ZSWIM6: variants seen among roughly 807,000 people sequenced by gnomAD.
ZSWIM6 encodes the protein zinc finger SWIM domain-containing protein 6.
A neutral mutation model predicts 113.2 loss-of-function variants in ZSWIM6; 9 were observed. That is an observed-to-expected ratio of 0.08 (90% CI 0.05 to 0.14). ZSWIM6 has a LOEUF of 0.14. Ranked by LOEUF, ZSWIM6 falls within the 10% of genes least tolerant of loss-of-function variation. The pLI, the probability that ZSWIM6 is intolerant of heterozygous loss-of-function variation, is 1.00. For missense variants in ZSWIM6, 1,162 were observed against 1,552.2 expected (o/e 0.75, Z 4.22); for synonymous variants, 611 against 606.5 (o/e 1.01, Z -0.11).
chr5:61,476,339 T>C (rs111971323), intron 2 of ZSWIM6, among the ~76,000 whole-genome samples: 235 of 152,262 alleles, frequency 1.5e-3, no homozygotes, highest in African/African-American at 5.5e-3. Context: ...AGTGTGTAGA[T>C]AAAGAAATCA....
intron 1 of ZSWIM6, among the ~76,000 whole-genome samples, chr5:61,453,574 C>T (rs1178624568): frequency 6.6e-5 from 10 of 151,812 alleles, no homozygotes; most frequent in Admixed American, 6.6e-4. Context: ...TGGGGTTTTG[C>T]CATGTTGTCC....
chr5:61,339,020 A>T (rs1360090531), intron 1 of ZSWIM6, among the ~76,000 whole-genome samples: 2 of 152,150 alleles, frequency 1.3e-5, no homozygotes, highest in Admixed American at 1.3e-4. Context: ...TGGATAATCA[A>T]TTGCTGTCTC....
intron 1 of ZSWIM6, among the ~76,000 whole-genome samples, chr5:61,339,931 AG>A (rs1468615943): frequency 1.3e-5 from 2 of 152,254 alleles, no homozygotes; most frequent in Non-Finnish European, 2.9e-5. Context: ...TGAAAAAATC[AG>A]TATCAAATGA....
intron 1 of ZSWIM6, among the ~76,000 whole-genome samples, chr5:61,333,786 G>A (rs939044938): frequency 6.6e-6 from 1 of 152,108 alleles, no homozygotes; most frequent in African/African-American, 2.4e-5. Flanking sequence ...CCCCTGTGCG[G>A]GCCGCGGCGC....
chr5:61,416,291 A>C (rs942810673), intron 1 of ZSWIM6, among the ~76,000 whole-genome samples: 1 of 152,184 alleles, frequency 6.6e-6, no homozygotes, highest in Admixed American at 6.5e-5. Context: ...GGATTTCCCT[A>C]CTAGTGAAGC....
At chr5:61,510,377 C>T (rs1440622529) in intron 4 of ZSWIM6, among the ~76,000 whole-genome samples, 2 of 151,936 alleles carry the variant, frequency 1.3e-5, no homozygotes, top group Non-Finnish European at 2.9e-5. Flanking sequence ...AAATGGCTTG[C>T]CATGACTATT....
At chr5:61,530,412 C>T (rs937393488) in intron 8 of ZSWIM6, among the ~76,000 whole-genome samples, 4 of 152,144 alleles carry the variant, frequency 2.6e-5, no homozygotes, top group South Asian at 2.1e-4. Context: ...CAGCCTGTTT[C>T]GAGAATCTTA....
chr5:61,457,038 A>T (rs145667065), intron 1 of ZSWIM6, among the ~76,000 whole-genome samples: 1,603 of 151,696 alleles, frequency 0.011, 22 homozygotes, highest in African/African-American at 0.036. Context: ...TATATCTCCC[A>T]ATGCTATCCC....
At chr5:61,398,108 G>A (rs1745877756) in intron 1 of ZSWIM6, among the ~76,000 whole-genome samples, 1 of 152,108 alleles carries the variant, frequency 6.6e-6, no homozygotes, top group African/African-American at 2.4e-5. Context: ...GGTTCCAGTT[G>A]AAGTGTGGAG....
At chr5:61,477,603 C>T (rs1248594451) in intron 2 of ZSWIM6, among the ~76,000 whole-genome samples, 2 of 152,208 alleles carry the variant, frequency 1.3e-5, no homozygotes, top group African/African-American at 4.8e-5. Context: ...TTAAGTCTGC[C>T]TGTCCTGCTT....
At chr5:61,334,332 C>A (rs933585425) in intron 1 of ZSWIM6, among the ~76,000 whole-genome samples, 1 of 152,060 alleles carries the variant, frequency 6.6e-6, no homozygotes, top group Non-Finnish European at 1.5e-5. Context: ...ATTTTTTTCT[C>A]CTGATTGCAA....
chr5:61,450,962 GGT>G (rs562515296), intron 1 of ZSWIM6, among the ~76,000 whole-genome samples: 1 of 152,248 alleles, frequency 6.6e-6, no homozygotes, highest in South Asian at 2.1e-4. Context: ...AGGATAATGT[GGT>G]TCCAAGAAGT....
intron 2 of ZSWIM6, among the ~76,000 whole-genome samples, chr5:61,488,611 G>A (rs2112210797): frequency 6.6e-6 from 1 of 151,916 alleles, no homozygotes; most frequent in Middle Eastern, 3.4e-3. Flanking sequence ...GTTCATAATA[G>A]GTCTCTGATC....
chr5:61,524,272 G>A (rs1409969309), intron 5 of ZSWIM6, among the ~76,000 whole-genome samples: 3 of 152,002 alleles, frequency 2.0e-5, no homozygotes, highest in African/African-American at 4.8e-5. Context: ...GTAGGACTTT[G>A]CCTTCTCCCT....
intron 1 of ZSWIM6, among the ~76,000 whole-genome samples, chr5:61,335,843 A>G (rs1744379771): frequency 6.6e-6 from 1 of 152,258 alleles, no homozygotes; most frequent in African/African-American, 2.4e-5. Context: ...TTTTAAAAAG[A>G]AATTTAAGGG....
chr5:61,537,994 G>A (rs757041360), intron 10 of ZSWIM6, among the ~76,000 whole-genome samples: 2 of 151,944 alleles, frequency 1.3e-5, no homozygotes, highest in African/African-American at 2.4e-5. Flanking sequence ...GCTGGAGTGC[G>A]GTGTGGTGTA....
rs768393747 is a variant in ZSWIM6, at chr5:61,535,616, T to C, written c.2378T>C (p.Met793Thr). The C allele has an allele frequency of 1.9e-6, 3 of 1,550,984 alleles. No individual in the cohort carries two copies. The highest frequency in any genetic ancestry group is 1.4e-5 in the African/African-American group (1 of 73,022). The change falls in exon 10 of 14, where the codon ATG (methionine) becomes ACG (threonine). Residue 793 changes from methionine (M) to threonine (T), a missense_variant. By Grantham distance (81) the Met-to-Thr change is moderately conservative. Transcript: ENST00000252744. ...ELAYKIALRA[M>T]RLLVLESTAP... ...GCATACAAAATTGCACTGAGAGCAATGCGGTATGTATTCACAGCCCAGCTG... is the reference window on the plus strand; with the variant it reads ...GCATACAAAATTGCACTGAGAGCAACGCGGTATGTATTCACAGCCCAGCTG...
At chr5:61,537,290 TC>T (rs1561284059) in intron 10 of ZSWIM6, among the ~76,000 whole-genome samples, 2 of 152,210 alleles carry the variant, frequency 1.3e-5, no homozygotes, top group African/African-American at 4.8e-5. Context: ...GAATTTTTTT[TC>T]CACTTTCTCT....
chr5:61,485,667 C>A (rs17338553), intron 2 of ZSWIM6, among the ~76,000 whole-genome samples: 20,677 of 152,170 alleles, frequency 0.14, 1,520 homozygotes, highest in Middle Eastern at 0.18. Context: ...TCAGCTTCTC[C>A]ATTTCTGCTG....
Sources: allele counts gnomAD v4.1 joint callset (sites outside exome capture counted in the v4.1 genomes callset), GRCh38; gene constraint gnomAD v4.1.1; transcripts MANE v1.5; gene names NCBI Gene and HGNC (gene_info 2026-07-23, HGNC 2026-07-21).